SNTG1: variants seen among roughly 807,000 people sequenced by gnomAD.
SNTG1 encodes the protein gamma-1-syntrophin.
In SNTG1, 39 loss-of-function variants were observed where a neutral mutation model predicts 74.7. The observed-to-expected ratio is 0.52, with a 90% confidence interval of 0.40 to 0.68. SNTG1 has a LOEUF of 0.68. SNTG1 is among the 30% of genes least tolerant of loss of function. SNTG1 has a pLI of 0.00. For missense variants in SNTG1, 685 were observed against 609.5 expected, an observed-to-expected ratio of 1.12 and a Z score of -1.30; for synonymous variants, 254 against 217.1, an observed-to-expected ratio of 1.17 and a Z score of -1.49.
Position 50,005,472 on chromosome 8 carries a change from C to CAA in SNTG1, c.-103+93250_-103+93251dup, listed in dbSNP as rs150405044. ...ATGACATAGTCTACAGGTATTACTG[C>CAA]AAAAAAAAAATAATTGATCATTTAG... On this transcript the variant is annotated intron_variant, in intron 1 of 18. Transcript: ENST00000642720. 9.0e-4 allele frequency among the ~76,000 whole-genome samples: 134 copies of CAA among 148,874 alleles called. 1 individual carries two copies. Among genetic ancestry groups the CAA allele is most frequent in the East Asian group, 2.0e-3 (10 of 5,088 alleles).
rs143296616 is a variant in SNTG1 at position 50,741,303 on chromosome 8, A to T, written c.1285-10698A>T. On this transcript the variant is annotated intron_variant, in intron 17 of 18. Coordinates refer to ENST00000642720, the MANE Select transcript of SNTG1 (RefSeq NM_018967.5). Reference sequence around the variant, plus strand: ...AGTCCTGGCTAGTTTTTGTATTTTTAGTAGAGATGGGGTTTCGCCATGTTG... The same window carrying T: ...AGTCCTGGCTAGTTTTTGTATTTTTTGTAGAGATGGGGTTTCGCCATGTTG... Among the ~76,000 whole-genome samples the T allele has an allele frequency of 9.2e-3, 1,404 of 151,978 alleles. 29 individuals carry two copies. Among genetic ancestry groups the T allele is most frequent in the African/African-American group, 0.031 (1,295 of 41,482 alleles).
intron 1 of SNTG1, among the ~76,000 whole-genome samples, chr8:50,008,180 C>T (rs1014255177): frequency 1.3e-5 from 2 of 152,048 alleles, no homozygotes; most frequent in Non-Finnish European, 2.9e-5. Flanking sequence ...GGAAGCAATA[C>T]TTAGTTATTA....
intron 2 of SNTG1, among the ~76,000 whole-genome samples, chr8:50,214,062 G>T (rs1166794849): frequency 6.6e-6 from 1 of 151,848 alleles, no homozygotes; most frequent in Non-Finnish European, 1.5e-5. Context: ...TATGGTTTAA[G>T]GTCTAATTTG....
chr8:50,607,347 A>T (rs551889364), intron 13 of SNTG1, among the ~76,000 whole-genome samples: 127 of 151,546 alleles, frequency 8.4e-4, no homozygotes, highest in African/African-American at 2.5e-3. Context: ...CTGGAATTTG[A>T]TTTATATGTA....
intron 2 of SNTG1, among the ~76,000 whole-genome samples, chr8:50,392,403 G>A (rs909148135): frequency 6.6e-6 from 1 of 152,152 alleles, no homozygotes; most frequent in Non-Finnish European, 1.5e-5. Flanking sequence ...TCATTACAAA[G>A]TTACTTTCCT....
chr8:50,080,476 G>A (rs1822304028), intron 1 of SNTG1, among the ~76,000 whole-genome samples: 1 of 152,082 alleles, frequency 6.6e-6, no homozygotes, highest in East Asian at 1.9e-4. Context: ...TTATTATTAT[G>A]TGTTGTCTGT....
At chr8:50,073,862 G>T (rs1821591130) in intron 1 of SNTG1, among the ~76,000 whole-genome samples, 1 of 150,618 alleles carries the variant, frequency 6.6e-6, no homozygotes, top group African/African-American at 2.4e-5. Context: ...TTAACAGTGG[G>T]CTTAAAATAT....
At chr8:49,977,613 A>G (rs576709861) in intron 1 of SNTG1, among the ~76,000 whole-genome samples, 1 of 152,350 alleles carries the variant, frequency 6.6e-6, no homozygotes, top group Non-Finnish European at 1.5e-5. Flanking sequence ...TGGCCTGGGC[A>G]AGGATCCCTG....
intron 2 of SNTG1, among the ~76,000 whole-genome samples, chr8:50,378,954 C>A (rs1230999815): frequency 6.6e-6 from 1 of 152,124 alleles, no homozygotes. Context: ...TGTCCCCCAG[C>A]CTTCAGGCCC....
intron 1 of SNTG1, among the ~76,000 whole-genome samples, chr8:50,027,687 G>A (rs1278145214): frequency 6.6e-6 from 1 of 152,162 alleles, no homozygotes; most frequent in Non-Finnish European, 1.5e-5. Flanking sequence ...CTTCCTTACT[G>A]TGGAAGAATA....
chr8:50,510,644 G>C (rs1422952974), intron 9 of SNTG1, among the ~76,000 whole-genome samples: 1 of 152,144 alleles, frequency 6.6e-6, no homozygotes, highest in African/African-American at 2.4e-5. Context: ...TTAGTCTTGG[G>C]AGGGTGTATA....
chr8:50,196,138 A>G (rs2083760246), intron 2 of SNTG1, among the ~76,000 whole-genome samples: 1 of 152,188 alleles, frequency 6.6e-6, no homozygotes, highest in Admixed American at 6.6e-5. Context: ...GTCCCAGGAA[A>G]TCACTGTTGT....
chr8:50,084,218 T>C (rs1280985482), intron 1 of SNTG1, among the ~76,000 whole-genome samples: 1 of 152,116 alleles, frequency 6.6e-6, no homozygotes, highest in African/African-American at 2.4e-5. Flanking sequence ...TCCCAGCTCC[T>C]TGGGAAGCCG....
chr8:50,550,693 G>GTGTATATATATATATA (rs1554571332), intron 11 of SNTG1, among the ~76,000 whole-genome samples: 44 of 149,096 alleles, frequency 3.0e-4, no homozygotes, highest in African/African-American at 1.1e-3. Flanking sequence ...TAGTGTGTGT[G>GTGTATATATATATATA]TATATATATA....
chr8:50,262,359 C>T (rs2087237299), intron 2 of SNTG1, among the ~76,000 whole-genome samples: 1 of 152,114 alleles, frequency 6.6e-6, no homozygotes, highest in African/African-American at 2.4e-5. Flanking sequence ...AAAATCAATA[C>T]AATTATAAAC....
chr8:50,131,509 T>C (rs1002866267), intron 1 of SNTG1, among the ~76,000 whole-genome samples: 2 of 152,156 alleles, frequency 1.3e-5, no homozygotes, highest in African/African-American at 4.8e-5. Context: ...TTTACTTGTG[T>C]ATTAAGGCTG....
intron 1 of SNTG1, among the ~76,000 whole-genome samples, chr8:49,949,872 G>A (rs1304348486): frequency 6.6e-6 from 1 of 152,188 alleles, no homozygotes; most frequent in Non-Finnish European, 1.5e-5. Context: ...AGGCGCAGTG[G>A]CCCAGGCCTA....
chr8:49,993,211 G>T (rs561881148), intron 1 of SNTG1, among the ~76,000 whole-genome samples: 1 of 152,228 alleles, frequency 6.6e-6, no homozygotes, highest in South Asian at 2.1e-4. Context: ...GTACTGGCAG[G>T]TGCAAAGCCC....
At chr8:50,692,623 A>G (rs1033074256) in intron 15 of SNTG1, among the ~76,000 whole-genome samples, 52 of 152,228 alleles carry the variant, frequency 3.4e-4, no homozygotes, top group African/African-American at 1.2e-3. Context: ...TTTGTCTCAG[A>G]GGAGTACCTG....
Sources: gnomAD v4.1 joint callset for allele counts (sites outside exome capture counted in the v4.1 genomes callset) on GRCh38, gnomAD v4.1.1 for gene constraint, MANE v1.5 for transcripts, NCBI Gene and HGNC (gene_info 2026-07-23, HGNC 2026-07-21) for gene names.